RAB18: variants seen among roughly 807,000 people sequenced by gnomAD.
RAB18 encodes ras-related protein Rab-18.
Under a neutral mutation model 28.5 loss-of-function variants are expected in RAB18, and 10 were observed. The ratio of observed to expected loss-of-function variants is 0.35; its 90% CI spans 0.22 to 0.60. The LOEUF is 0.60. Ranked by LOEUF, RAB18 falls within the 20% of genes least tolerant of loss-of-function variation. RAB18 has a pLI of 0.78. For missense variants in RAB18, 188 were observed against 244.2 expected (o/e 0.77, Z 1.53); for synonymous variants, 93 against 86.9 (o/e 1.07, Z -0.39).
At chr10:27,505,048 A>G (rs762452678) in intron 1 of RAB18, 1 of 533,564 alleles carries the variant, frequency 1.9e-6, no homozygotes, top group South Asian at 1.4e-5. Context: ...CGAGTGCTTC[A>G]GCCGTGGGCC....
intron 2 of RAB18, among the ~76,000 whole-genome samples, chr10:27,526,121 A>C (rs180682638): frequency 5.3e-5 from 8 of 152,262 alleles, no homozygotes; most frequent in Admixed American, 4.6e-4. Flanking sequence ...ACTTCTTATG[A>C]AACTCTTTTC....
intron 1 of RAB18, among the ~76,000 whole-genome samples, chr10:27,508,861 A>C (rs1201250882): frequency 6.6e-6 from 1 of 152,160 alleles, no homozygotes; most frequent in East Asian, 1.9e-4. Context: ...TATAATTTAG[A>C]TATCTGATGG....
At chr10:27,516,796 T>C (rs962050326) in intron 2 of RAB18, among the ~76,000 whole-genome samples, 2 of 152,128 alleles carry the variant, frequency 1.3e-5, no homozygotes, top group African/African-American at 4.8e-5. Flanking sequence ...TGTGCCTGGG[T>C]CCACTTCTCT....
At position 27,540,014 on chromosome 10, in the gene RAB18, G is replaced by A. The variant is rs1219667980; in HGVS notation, c.*1963G>A. On this transcript the variant is annotated 3_prime_UTR_variant, in exon 7 of 7. Coordinates refer to ENST00000356940, the MANE Select transcript of RAB18 (RefSeq NM_021252.5). The stretch of plus-strand genomic sequence containing the variant: ...CTAAGGTCAGGCACCTAGTAACAGG[G>A]TTTTGTTAATTCTTTTCAGAATCAT... 2 of 453,858 alleles carry A rather than the reference G, an allele frequency of 4.4e-6. No homozygotes were observed. Among genetic ancestry groups the A allele is most frequent in the Non-Finnish European group, 8.8e-6 (2 of 226,734 alleles). 28.1% of individuals were successfully genotyped at this position (453,858 alleles called of 1,614,324 possible).
chr10:27,508,788 A>G (rs1405606144), intron 1 of RAB18, among the ~76,000 whole-genome samples: 2 of 152,214 alleles, frequency 1.3e-5, no homozygotes, highest in East Asian at 3.8e-4. Flanking sequence ...CAGAAACTCT[A>G]TGGACAAAAC....
chr10:27,541,928 C>T lies in RAB18; in HGVS notation c.*3877C>T, dbSNP rs1281249264. 2.2e-6 allele frequency: 1 copy of T among 453,730 alleles called. No homozygotes were observed. Among genetic ancestry groups the T allele is most frequent in the Non-Finnish European group, 4.4e-6 (1 of 226,764 alleles). 28.1% of individuals were successfully genotyped at this position (453,730 alleles called of 1,614,324 possible). A position where few individuals can be genotyped will look rare whatever the true frequency, so the allele number is the denominator to read the frequency against. ...CCAGTTACCTTTTAGCAGTGCCCCA[C>T]TTCCCCAGTAGCAATGGTTCAGGGG... On this transcript the variant is annotated 3_prime_UTR_variant, in exon 7 of 7. Transcript: ENST00000356940.
At position 27,540,361 on chromosome 10, in the gene RAB18, C is replaced by A. The variant is rs1049734779; in HGVS notation, c.*2310C>A. ...CTCAGTCACTGAGCTGGATTCCAGTCATGGCATTTTTACTTCTGAGCCCAT... is the reference window on the plus strand; with the variant it reads ...CTCAGTCACTGAGCTGGATTCCAGTAATGGCATTTTTACTTCTGAGCCCAT... On this transcript the variant is annotated 3_prime_UTR_variant, in exon 7 of 7. Coordinates refer to ENST00000356940, the MANE Select transcript of RAB18 (RefSeq NM_021252.5). 1.1e-5 allele frequency: 5 copies of A among 453,978 alleles called. No homozygotes were observed. The highest frequency in any genetic ancestry group is 1.0e-4 in the African/African-American group (5 of 50,010). 28.1% of individuals were successfully genotyped at this position (453,978 alleles called of 1,614,324 possible). A position where few individuals can be genotyped will look rare whatever the true frequency, so the allele number is the denominator to read the frequency against.
intron 2 of RAB18, among the ~76,000 whole-genome samples, chr10:27,520,786 G>A (rs1170487397): frequency 4.6e-5 from 7 of 151,178 alleles, no homozygotes; most frequent in Admixed American, 2.6e-4. Context: ...GCATAGTGGC[G>A]GGCACCTGTA....
intron 2 of RAB18, among the ~76,000 whole-genome samples, chr10:27,513,032 AT>A (rs1554899531): frequency 0.029 from 4,091 of 142,418 alleles, 167 homozygotes; most frequent in African/African-American, 0.098. Context: ...ATATATATAT[AT>A]TTTTTTTTTT....
At chr10:27,521,939 G>T (rs528959620) in intron 2 of RAB18, among the ~76,000 whole-genome samples, 1 of 152,004 alleles carries the variant, frequency 6.6e-6, no homozygotes, top group South Asian at 2.1e-4. Flanking sequence ...AAGGGGAGAC[G>T]CATGGAAGCT....
intron 1 of RAB18, among the ~76,000 whole-genome samples, chr10:27,508,892 A>G (rs1834265358): frequency 6.6e-6 from 1 of 152,158 alleles, no homozygotes; most frequent in Non-Finnish European, 1.5e-5. Flanking sequence ...GATTTTATTC[A>G]TGCAAACAGG....
At chr10:27,509,757 G>C (rs1374970869) in intron 1 of RAB18, 118 bp from the exon 2 acceptor site, 1 of 806,256 alleles carries the variant, frequency 1.2e-6, no homozygotes, top group Non-Finnish European at 2.1e-6. Flanking sequence ...CTAGGAACAG[G>C]CCTACATCAG....
At chr10:27,527,653 CAT>C (rs1193623302) in intron 3 of RAB18, among the ~76,000 whole-genome samples, 4 of 151,678 alleles carry the variant, frequency 2.6e-5, no homozygotes, top group African/African-American at 7.3e-5. Flanking sequence ...GATAATTATA[CAT>C]ATATGTTTGT....
Position 27,526,877 on chromosome 10 carries a change from A to C in RAB18, c.174A>C (p.Lys58Asn), listed in dbSNP as rs187076438. 2 of 1,612,950 alleles carry C rather than the reference A, an allele frequency of 1.2e-6. No individual in the cohort carries two copies. The highest frequency in any genetic ancestry group is 1.7e-6 in the Non-Finnish European group (2 of 1,179,302). ...KTISVDGNKA[K>N]LAIWDTAGQE... is the part of the protein sequence containing the mutation. The stretch of plus-strand genomic sequence containing the variant: ...TTTCAGTGGATGGAAATAAGGCTAA[A>C]CTTGCAATATGGGTAAGAGTTTTTA... Residue 58 changes from lysine (K) to asparagine (N), a missense_variant, in exon 3 of 7, where the codon AAA (lysine) becomes AAC (asparagine). By Grantham distance (94) the Lys-to-Asn change is moderately conservative (BLOSUM62 0). Transcript: ENST00000356940.
At chr10:27,504,585 C>T (rs1303449465) in intron 1 of RAB18, 148 bp downstream of exon 1, 2 of 940,550 alleles carry the variant, frequency 2.1e-6, no homozygotes, top group East Asian at 2.6e-5. Context: ...CTGGGCCGCG[C>T]TCTCCCGCGA....
rs543859263 is a variant in RAB18 at position 27,527,546 on chromosome 10, C to G, written c.186+657C>G. On this transcript the variant is annotated intron_variant, in intron 3 of 6. Coordinates refer to ENST00000356940, the MANE Select transcript of RAB18 (RefSeq NM_021252.5). ...TCTATTTACCCACCCACATACCGAT[C>G]TATCTATATCTGTCTATCTAAATAT... 2.7e-5 allele frequency among the ~76,000 whole-genome samples: 4 copies of G among 150,520 alleles called. No individual in the cohort carries two copies. The East Asian group carries it at 5.9e-4, about 22-fold the overall frequency.
chr10:27,535,466 T>C (rs1028891981), intron 6 of RAB18, among the ~76,000 whole-genome samples: 1 of 152,114 alleles, frequency 6.6e-6, no homozygotes, highest in Non-Finnish European at 1.5e-5. Context: ...AGAAAGCGTG[T>C]GTACTGGAGC....
intron 6 of RAB18, among the ~76,000 whole-genome samples, chr10:27,537,521 G>A (rs1353887831): frequency 6.6e-6 from 1 of 152,146 alleles, no homozygotes; most frequent in Non-Finnish European, 1.5e-5. Context: ...TTTTAAAATA[G>A]GAATAATATC....
In RAB18 at chr10:27,533,944, A is replaced by C; in HGVS notation, c.395A>C (p.Asp132Ala). ...NKIDKENREV[D>A]RNEGLKFARK... ...ATATTTTAGGAAAATCGTGAAGTCG[A>C]TAGAAATGAAGGCCTGAAATTTGCA... Residue 132 changes from aspartate (D) to alanine (A), a missense_variant, in exon 6 of 7, where the codon GAT (aspartate) becomes GCT (alanine). Physicochemically the swap from Asp to Ala is moderately radical, Grantham distance 126. Transcript: ENST00000356940. The C allele has an allele frequency of 6.2e-7, 1 of 1,610,460 alleles. No homozygotes were observed.
Sources: allele counts gnomAD v4.1 joint callset (sites outside exome capture counted in the v4.1 genomes callset), GRCh38; gene constraint gnomAD v4.1.1; transcripts MANE v1.5; gene names NCBI Gene and HGNC (gene_info 2026-07-23, HGNC 2026-07-21).